Variants in DNAH11 observed in about 807,000 individuals in gnomAD.
The protein encoded by DNAH11 is axonemal beta dynein heavy chain 11.
A neutral mutation model predicts 526.0 loss-of-function variants in DNAH11; 442 were observed. The observed-to-expected ratio is 0.84, with a 90% confidence interval of 0.78 to 0.91. DNAH11 has a LOEUF of 0.91. Ranked by LOEUF, DNAH11 falls within the 40% of genes least tolerant of loss-of-function variation. The pLI, the probability that DNAH11 is intolerant of heterozygous loss-of-function variation, is 0.00. For missense variants in DNAH11, 6,989 were observed against 5,448.7 expected (o/e 1.28, Z -8.90); for synonymous variants, 2,461 against 1,935.9 (o/e 1.27, Z -7.12).
At chr7:21,792,470 G>C (rs547778528) in intron 61 of DNAH11, among the ~76,000 whole-genome samples, 2 of 152,292 alleles carry the variant, frequency 1.3e-5, no homozygotes, top group South Asian at 4.2e-4. Flanking sequence ...AGTTTGAGTA[G>C]AATTGGTATT....
intron 65 of DNAH11, among the ~76,000 whole-genome samples, chr7:21,835,654 A>G (rs1018242488): frequency 6.6e-6 from 1 of 152,194 alleles, no homozygotes; most frequent in African/African-American, 2.4e-5. Context: ...CACAGCTAAC[A>G]TATTAAACAG....
intron 42 of DNAH11, among the ~76,000 whole-genome samples, chr7:21,712,232 T>C (rs943697043): frequency 2.0e-5 from 3 of 152,246 alleles, no homozygotes; most frequent in Non-Finnish European, 4.4e-5. Context: ...TAAGGCTGAA[T>C]AATACTCCAT....
At chr7:21,838,106 C>G (rs1269938258) in intron 65 of DNAH11, among the ~76,000 whole-genome samples, 1 of 152,148 alleles carries the variant, frequency 6.6e-6, no homozygotes, top group African/African-American at 2.4e-5. Context: ...TTTTGGAAAT[C>G]CTTGGAAAGA....
intron 65 of DNAH11, among the ~76,000 whole-genome samples, chr7:21,829,901 A>G (rs1207937226): frequency 6.6e-6 from 1 of 152,230 alleles, no homozygotes; most frequent in Non-Finnish European, 1.5e-5. Context: ...TCTGTCACAG[A>G]AGTACTTTGA....
At chr7:21,547,559 C>G (rs897516030) in intron 2 of DNAH11, among the ~76,000 whole-genome samples, 3 of 152,100 alleles carry the variant, frequency 2.0e-5, no homozygotes, top group Non-Finnish European at 4.4e-5. Flanking sequence ...TGGACATATG[C>G]CCCTTATAAT....
At chr7:21,854,069 G>C (rs1019224933) in intron 67 of DNAH11, among the ~76,000 whole-genome samples, 2 of 152,136 alleles carry the variant, frequency 1.3e-5, no homozygotes, top group Admixed American at 6.5e-5. Flanking sequence ...AACTAGGTTT[G>C]TTTAATCTGT....
chr7:21,824,175 T>C lies in DNAH11; in HGVS notation c.10691+5836T>C, dbSNP rs144626566. Reference sequence around the variant, plus strand: ...ATCCTAGGAGGAGTATTTTGGGTTTTTAGGGTGTTTTAATTTTATTATTTA... The same window carrying C: ...ATCCTAGGAGGAGTATTTTGGGTTTCTAGGGTGTTTTAATTTTATTATTTA... On this transcript the variant is annotated intron_variant, in intron 65 of 81. Transcript: ENST00000409508. 1.0e-3 allele frequency among the ~76,000 whole-genome samples: 155 copies of C among 152,284 alleles called. 1 individual carries two copies. The highest frequency in any genetic ancestry group is 3.5e-3 in the African/African-American group (145 of 41,574).
chr7:21,775,615 C>A (rs76959181), intron 56 of DNAH11, among the ~76,000 whole-genome samples: 7 of 148,268 alleles, frequency 4.7e-5, no homozygotes, highest in Non-Finnish European at 6.0e-5. Context: ...GACCCTGTCT[C>A]AAAAAAAAAA....
intron 6 of DNAH11, among the ~76,000 whole-genome samples, chr7:21,566,291 G>T (rs1403168448): frequency 6.6e-6 from 1 of 152,062 alleles, no homozygotes; most frequent in Admixed American, 6.6e-5. Context: ...TTGTTCCTTA[G>T]TTCTGGCTTC....
At chr7:21,573,019 A>G (rs1783954048) in intron 8 of DNAH11, among the ~76,000 whole-genome samples, 1 of 152,176 alleles carries the variant, frequency 6.6e-6, no homozygotes, top group African/African-American at 2.4e-5. Flanking sequence ...GTGGAGGAGG[A>G]GTGTGAGACT....
chr7:21,623,690 T>G (rs1249312586), intron 25 of DNAH11, among the ~76,000 whole-genome samples: 1 of 151,966 alleles, frequency 6.6e-6, no homozygotes, highest in Non-Finnish European at 1.5e-5. Flanking sequence ...TTGGAAATCA[T>G]CATTCTCAGT....
rs535770602 is a variant in DNAH11 at position 21,766,416 on chromosome 7, C to T, written c.9102+827C>T. ...CCATTGAGTGATAAGGTGAAAGGTT[C>T]CTAGAATAGGTCAGACACTGAAAGT... On this transcript the variant is annotated intron_variant, in intron 55 of 81. Coordinates refer to ENST00000409508, the MANE Select transcript of DNAH11 (RefSeq NM_001277115.2). Among the ~76,000 whole-genome samples the T allele has an allele frequency of 2.6e-5, 4 of 152,164 alleles. No homozygotes were observed. In the South Asian group the frequency reaches 8.3e-4, roughly 32 times the overall value.
At chr7:21,545,943 A>C (rs1562650858) in intron 2 of DNAH11, among the ~76,000 whole-genome samples, 1 of 152,154 alleles carries the variant, frequency 6.6e-6, no homozygotes, top group Non-Finnish European at 1.5e-5. Context: ...CCCAGGTCAC[A>C]CCCATACCAG....
chr7:21,807,454 G>T lies in DNAH11; in HGVS notation c.10166-429G>T, dbSNP rs76299322. ...GTAAAAGTTGCAATGAGCCAAGATG[G>T]TGCTATGGCATTCCAGCACGGGTGA... On this transcript the variant is annotated intron_variant, in intron 62 of 81. Coordinates refer to ENST00000409508, the MANE Select transcript of DNAH11 (RefSeq NM_001277115.2). 5.9e-3 allele frequency among the ~76,000 whole-genome samples: 893 copies of T among 152,302 alleles called. 5 individuals are homozygous for T. Among genetic ancestry groups the T allele is most frequent in the Non-Finnish European group, 0.01 (699 of 68,022 alleles).
chr7:21,707,772 C>T lies in DNAH11; in HGVS notation c.6620C>T (p.Ala2207Val), dbSNP rs758080566. Residue 2207 changes from alanine (A) to valine (V), a missense_variant, in exon 40 of 82, where the codon GCT becomes GTT. Physicochemically the swap from Ala to Val is moderately conservative, Grantham distance 64. Transcript: ENST00000409508. ...KPVWNDLNPKAVTTDELFGFI... is the reference protein window; with the variant it reads ...KPVWNDLNPKVVTTDELFGFI... Reference sequence around the variant, plus strand: ...GTTTGGAATGACTTAAACCCTAAAGCTGTGACAACAGATGAACTCTTTGGT... The same window carrying T: ...GTTTGGAATGACTTAAACCCTAAAGTTGTGACAACAGATGAACTCTTTGGT... 5 of 1,612,916 alleles carry T rather than the reference C, an allele frequency of 3.1e-6. No homozygotes were observed. The East Asian group carries it at 1.1e-4, about 36-fold the overall frequency.
intron 6 of DNAH11, among the ~76,000 whole-genome samples, chr7:21,568,343 G>T: frequency 6.6e-6 from 1 of 152,122 alleles, no homozygotes; most frequent in East Asian, 1.9e-4. Context: ...ACTGTGAGAG[G>T]TAGAAAAGAA....
chr7:21,566,903 AACTT>A (rs1443675054), intron 6 of DNAH11, among the ~76,000 whole-genome samples: 3 of 152,262 alleles, frequency 2.0e-5, no homozygotes, highest in African/African-American at 7.2e-5. Flanking sequence ...ATTTTGTACT[AACTT>A]CTTGAAAGAT....
At chr7:21,816,107 G>A (rs1271968889) in intron 63 of DNAH11, among the ~76,000 whole-genome samples, 1 of 152,082 alleles carries the variant, frequency 6.6e-6, no homozygotes, top group African/African-American at 2.4e-5. Context: ...TTATGTGGGG[G>A]TGGGGGGCAT....
chr7:21,823,059 C>A (rs1790124062), intron 65 of DNAH11, among the ~76,000 whole-genome samples: 2 of 142,128 alleles, frequency 1.4e-5, no homozygotes, highest in Non-Finnish European at 3.0e-5. Context: ...ATATCTTCTC[C>A]CATTCTGTAG....
Sources: gnomAD v4.1 joint callset for allele counts (sites outside exome capture counted in the v4.1 genomes callset) on GRCh38, gnomAD v4.1.1 for gene constraint, MANE v1.5 for transcripts, NCBI Gene and HGNC (gene_info 2026-07-23, HGNC 2026-07-21) for gene names.